ATXN7L1: variants seen among roughly 807,000 people sequenced by gnomAD.
ATXN7L1 encodes ataxin-7-like protein 1.
ATXN7L1 carries 15 observed loss-of-function variants against 70.8 expected under a neutral mutation model. The observed-to-expected ratio is 0.21, with a 90% CI of 0.14 to 0.33. The LOEUF (loss-of-function observed/expected upper bound fraction) is 0.33, where lower values mean the gene tolerates loss of function less well. ATXN7L1 is among the 10% of genes least tolerant of loss of function. The pLI, the probability that ATXN7L1 is intolerant of heterozygous loss-of-function variation, is 1.00. For synonymous variants in ATXN7L1, 440 were observed against 445.1 expected (o/e 0.99, Z 0.14); for missense variants, 975 against 1,097.1 (o/e 0.89, Z 1.57).
At chr7:105,831,041 G>A (rs549476400) in intron 2 of ATXN7L1, among the ~76,000 whole-genome samples, 9 of 152,164 alleles carry the variant, frequency 5.9e-5, no homozygotes, top group African/African-American at 1.7e-4. Flanking sequence ...CTCTTTTTGC[G>A]TTTTATACAG....
At chr7:105,807,417 A>G (rs1163043887) in intron 2 of ATXN7L1, among the ~76,000 whole-genome samples, 1 of 152,160 alleles carries the variant, frequency 6.6e-6, no homozygotes, top group Non-Finnish European at 1.5e-5. Context: ...GAGCTGCCCC[A>G]CACTGACACA....
chr7:105,723,895 A>G (rs867510090), intron 3 of ATXN7L1, among the ~76,000 whole-genome samples: 8 of 152,180 alleles, frequency 5.3e-5, no homozygotes, highest in Admixed American at 3.3e-4. Context: ...ACTTTGCTGC[A>G]AAGTAGGGAG....
chr7:105,821,912 C>T (rs1024242628), intron 2 of ATXN7L1, among the ~76,000 whole-genome samples: 3 of 152,198 alleles, frequency 2.0e-5, no homozygotes, highest in Non-Finnish European at 2.9e-5. Context: ...TTGGTTGACG[C>T]CAGAAATGCA....
intron 2 of ATXN7L1, among the ~76,000 whole-genome samples, chr7:105,818,643 C>G (rs1585076018): frequency 6.6e-6 from 1 of 152,184 alleles, no homozygotes; most frequent in Admixed American, 6.5e-5. Flanking sequence ...TAAGATAATT[C>G]AGAAAAGGAA....
At chr7:105,723,891 C>T (rs1387026885) in intron 3 of ATXN7L1, among the ~76,000 whole-genome samples, 1 of 152,102 alleles carries the variant, frequency 6.6e-6, no homozygotes, top group Non-Finnish European at 1.5e-5. Flanking sequence ...CTTGACTTTG[C>T]TGCAAAGTAG....
intron 3 of ATXN7L1, among the ~76,000 whole-genome samples, chr7:105,730,984 C>G (rs182367329): frequency 6.6e-6 from 1 of 152,076 alleles, no homozygotes; most frequent in Non-Finnish European, 1.5e-5. Context: ...CTGTACAGGT[C>G]GAGAATCCCT....
At chr7:105,687,267 G>C (rs928662296) in intron 3 of ATXN7L1, among the ~76,000 whole-genome samples, 1 of 152,218 alleles carries the variant, frequency 6.6e-6, no homozygotes, top group Non-Finnish European at 1.5e-5. Flanking sequence ...TGCTGAGGCA[G>C]GACCAGGCTT....
In ATXN7L1 at chr7:105,643,137, A is replaced by G. The variant is rs369154505; in HGVS notation, c.579-16T>C. The G allele has an allele frequency of 1.1e-5, 16 of 1,491,380 alleles. No individual in the cohort carries two copies. The African/African-American group carries it at 1.8e-4, about 17-fold the overall frequency. 92.4% of individuals were successfully genotyped at this position (1,491,380 alleles called of 1,614,324 possible). A position where few individuals can be genotyped will look rare whatever the true frequency, so the allele number is the denominator to read the frequency against. On this transcript the variant is annotated splice_polypyrimidine_tract_variant and intron_variant, in intron 4 of 11. Coordinates refer to ENST00000419735, the MANE Select transcript of ATXN7L1 (RefSeq NM_020725.2). Reference sequence around the variant, plus strand: ...AACTGGAACACTGAAAAATAAATGAACAAACACACACAATTGTCTTCTTTG... The same window carrying G: ...AACTGGAACACTGAAAAATAAATGAGCAAACACACACAATTGTCTTCTTTG...
intron 2 of ATXN7L1, among the ~76,000 whole-genome samples, chr7:105,850,846 G>A (rs1480224379): frequency 1.3e-5 from 2 of 152,184 alleles, no homozygotes; most frequent in Admixed American, 1.3e-4. Context: ...CTGAGCTGGA[G>A]GACAAGATAC....
At chr7:105,696,212 T>C (rs905770141) in intron 3 of ATXN7L1, among the ~76,000 whole-genome samples, 1 of 152,210 alleles carries the variant, frequency 6.6e-6, no homozygotes, top group African/African-American at 2.4e-5. Context: ...TATGTGCTCC[T>C]GTTGACTGGA....
chr7:105,650,856 A>T (rs773751527), intron 4 of ATXN7L1, among the ~76,000 whole-genome samples: 3 of 152,220 alleles, frequency 2.0e-5, no homozygotes, highest in Non-Finnish European at 4.4e-5. Flanking sequence ...AATCAAATAA[A>T]ATCAGGGAGA....
intron 3 of ATXN7L1, among the ~76,000 whole-genome samples, chr7:105,748,080 T>C (rs1352299141): frequency 6.7e-6 from 1 of 148,410 alleles, no homozygotes; most frequent in African/African-American, 2.5e-5. Flanking sequence ...ATCGTGCCAT[T>C]GCACTCCAGC....
In ATXN7L1 at chr7:105,752,956, G is replaced by C. The variant is rs117060528; in HGVS notation, c.355+35648C>G. On this transcript the variant is annotated intron_variant, in intron 3 of 11. Transcript: ENST00000419735. ...CTCATAGTGAATTGAAGACCATAGT[G>C]AATTGAAGACTCAGAAGTTTTCACT... Among the ~76,000 whole-genome samples the C allele has an allele frequency of 1.8e-3, 278 of 152,308 alleles. 1 individual carries two copies. Among genetic ancestry groups the C allele is most frequent in the Non-Finnish European group, 3.4e-3 (228 of 68,022 alleles).
chr7:105,678,091 A>AAT, intron 3 of ATXN7L1: 1 of 751,362 alleles, frequency 1.3e-6, no homozygotes, highest in Non-Finnish European at 1.6e-6. Context: ...ACAGACACAT[A>AAT]CTTTTTTTTT....
chr7:105,772,406 T>G (rs1338342151), intron 3 of ATXN7L1, among the ~76,000 whole-genome samples: 4 of 152,114 alleles, frequency 2.6e-5, no homozygotes, highest in African/African-American at 9.7e-5. Flanking sequence ...AGCGATATAC[T>G]GCTTTACAAG....
chr7:105,705,378 C>T (rs1271647190), intron 3 of ATXN7L1, among the ~76,000 whole-genome samples: 1 of 152,154 alleles, frequency 6.6e-6, no homozygotes, highest in African/African-American at 2.4e-5. Flanking sequence ...CTATTGAACA[C>T]ATGCATCTTT....
chr7:105,687,610 A>C (rs1048713720), intron 3 of ATXN7L1, among the ~76,000 whole-genome samples: 4 of 152,250 alleles, frequency 2.6e-5, no homozygotes, highest in Non-Finnish European at 5.9e-5. Flanking sequence ...ATGAGAAAAT[A>C]AACTTTGGTT....
intron 2 of ATXN7L1, chr7:105,819,584 G>A: frequency 1.0e-6 from 1 of 1,002,880 alleles, no homozygotes; most frequent in Non-Finnish European, 1.6e-6. Context: ...TGCTGGGCCG[G>A]AAGGTGGAGG....
At position 105,763,334 on chromosome 7, in the gene ATXN7L1, A is replaced by G. The variant is rs139827416; in HGVS notation, c.355+25270T>C. 5.1e-3 allele frequency among the ~76,000 whole-genome samples: 773 copies of G among 151,886 alleles called. 9 individuals are homozygous for G. The highest frequency in any genetic ancestry group is 0.016 in the African/African-American group (655 of 41,404). On this transcript the variant is annotated intron_variant, in intron 3 of 11. Transcript: ENST00000419735. ...CCACTCAGTCCTCACAGTCTCAAGG[A>G]CTCTTTCCCAAGAAGGGGGAATGGA...
Sources: allele counts gnomAD v4.1 joint callset (sites outside exome capture counted in the v4.1 genomes callset), GRCh38; gene constraint gnomAD v4.1.1; transcripts MANE v1.5; gene names NCBI Gene and HGNC (gene_info 2026-07-23, HGNC 2026-07-21).